FAT3: variants seen among roughly 807,000 people sequenced by gnomAD.
The protein encoded by FAT3 is FAT atypical cadherin 3.
FAT3 carries 95 observed loss-of-function variants against 310.2 expected under a neutral mutation model. That is an observed-to-expected ratio of 0.31 (90% CI 0.26 to 0.36). The LOEUF is 0.36. Among genes scored for constraint, FAT3 ranks in the 10% least tolerant of loss-of-function variants. The pLI, the probability that FAT3 is intolerant of heterozygous loss-of-function variation, is 1.00. For missense variants in FAT3, 5,408 were observed against 5,715.6 expected (o/e 0.95, Z 1.74); for synonymous variants, 2,314 against 2,192.9 (o/e 1.06, Z -1.54).
rs1455638208 is a variant in FAT3, at chr11:92,750,784, C to T, written c.3670-11072C>T. 3.9e-5 allele frequency among the ~76,000 whole-genome samples: 6 copies of T among 152,124 alleles called. No individual in the cohort carries two copies. The East Asian group carries it at 1.2e-3, about 29-fold the overall frequency. ...TCCTGGTGCAGGCATTCAGTTCAAGCCAATGGCCTCTTATACATTTTATTT... is the reference window on the plus strand; with the variant it reads ...TCCTGGTGCAGGCATTCAGTTCAAGTCAATGGCCTCTTATACATTTTATTT... On this transcript the variant is annotated intron_variant, in intron 4 of 27. Transcript: ENST00000525166.
chr11:92,790,104 C>T lies in FAT3; in HGVS notation c.4497C>T (p.Ser1499=). ...ACAAGCTGAGCTACACTGTTCATAGCAGCATCGACTCCATCAGCATGAGAA... is the reference window on the plus strand; with the variant it reads ...ACAAGCTGAGCTACACTGTTCATAGTAGCATCGACTCCATCAGCATGAGAA... ...EKHKLSYTVH[S]SIDSISMRKF... Residue 1499 remains serine, a synonymous_variant, in exon 8 of 28, where the codon AGC becomes AGT. Transcript: ENST00000525166. The T allele has an allele frequency of 6.2e-7, 1 of 1,613,820 alleles. No individual in the cohort carries two copies. Among genetic ancestry groups the T allele is most frequent in the East Asian group, 2.2e-5 (1 of 44,868 alleles).
chr11:92,607,945 C>T (rs1940381104), intron 3 of FAT3, among the ~76,000 whole-genome samples: 2 of 152,040 alleles, frequency 1.3e-5, no homozygotes, highest in African/African-American at 4.8e-5. Flanking sequence ...TCATATCTAC[C>T]TAAATTTCCT....
chr11:92,383,300 CAT>C (rs566660922), intron 2 of FAT3, among the ~76,000 whole-genome samples: 82 of 152,276 alleles, frequency 5.4e-4, no homozygotes, highest in African/African-American at 8.9e-4. Flanking sequence ...AATGAACATA[CAT>C]GTGTGTGTAT....
intron 2 of FAT3, among the ~76,000 whole-genome samples, chr11:92,415,008 A>C (rs1591256650): frequency 3.5e-4 from 1 of 2,834 alleles, no homozygotes; most frequent in South Asian, 0.018. Context: ...AGATTTCGTC[A>C]AAAAAAAAAA....
At chr11:92,636,198 A>G (rs917064218) in intron 3 of FAT3, among the ~76,000 whole-genome samples, 1 of 152,118 alleles carries the variant, frequency 6.6e-6, no homozygotes, top group African/African-American at 2.4e-5. Context: ...CCTGACCTCA[A>G]GTGATGCACC....
intron 1 of FAT3, among the ~76,000 whole-genome samples, chr11:92,279,322 C>T (rs1416419067): frequency 6.6e-6 from 1 of 152,138 alleles, no homozygotes; most frequent in Non-Finnish European, 1.5e-5. Context: ...TGGGAAGTTA[C>T]AGGGGTTCTT....
In FAT3 at chr11:92,790,101, T is replaced by A; in HGVS notation, c.4494T>A (p.His1498Gln). Residue 1498 changes from histidine (H) to glutamine (Q), a missense_variant, in exon 8 of 28, where the codon CAT becomes CAA. Physicochemically the swap from His to Gln is conservative, Grantham distance 24. Transcript: ENST00000525166. ...AGCACAAGCTGAGCTACACTGTTCATAGCAGCATCGACTCCATCAGCATGA... is the reference window on the plus strand; with the variant it reads ...AGCACAAGCTGAGCTACACTGTTCAAAGCAGCATCGACTCCATCAGCATGA... ...DEKHKLSYTV[H>Q]SSIDSISMRK... 1.2e-6 allele frequency: 2 copies of A among 1,613,846 alleles called. No individual in the cohort carries two copies. The highest frequency in any genetic ancestry group is 1.7e-6 in the Non-Finnish European group (2 of 1,179,762).
intron 2 of FAT3, among the ~76,000 whole-genome samples, chr11:92,416,824 C>T (rs1045557143): frequency 1.3e-5 from 2 of 152,186 alleles, no homozygotes; most frequent in African/African-American, 4.8e-5. Flanking sequence ...GATGGCTCCT[C>T]TAGCATCCTT....
At chr11:92,623,350 C>T (rs940803921) in intron 3 of FAT3, among the ~76,000 whole-genome samples, 21 of 152,150 alleles carry the variant, frequency 1.4e-4, no homozygotes, top group African/African-American at 5.1e-4. Flanking sequence ...TCTCTTGCCT[C>T]CTCTAATATC....
intron 2 of FAT3, among the ~76,000 whole-genome samples, chr11:92,501,305 T>G (rs1179886757): frequency 1.3e-5 from 2 of 152,108 alleles, no homozygotes; most frequent in Non-Finnish European, 2.9e-5. Context: ...AGGCACACTT[T>G]GCTTTGTGGT....
chr11:92,857,532 T>C (rs547363104), intron 20 of FAT3, among the ~76,000 whole-genome samples, 184 bp downstream of exon 20: 1 of 152,328 alleles, frequency 6.6e-6, no homozygotes, highest in South Asian at 2.1e-4. Context: ...CAGCTGCAGC[T>C]TGTGCTAAGG....
At chr11:92,576,541 G>A (rs915272879) in intron 3 of FAT3, among the ~76,000 whole-genome samples, 3 of 152,010 alleles carry the variant, frequency 2.0e-5, no homozygotes, top group Admixed American at 1.3e-4. Context: ...TTGGATAATC[G>A]ATTCAAATTC....
At chr11:92,394,492 C>T (rs1487371977) in intron 2 of FAT3, among the ~76,000 whole-genome samples, 1 of 151,990 alleles carries the variant, frequency 6.6e-6, no homozygotes, top group Non-Finnish European at 1.5e-5. Flanking sequence ...TTTCCACCAC[C>T]AGTTAGAAAT....
intron 3 of FAT3, among the ~76,000 whole-genome samples, chr11:92,671,467 A>G (rs1194193309): frequency 2.0e-5 from 3 of 152,044 alleles, no homozygotes; most frequent in African/African-American, 7.2e-5. Context: ...CATGCTGGTT[A>G]CTGCCTAGAA....
At chr11:92,515,823 GA>G (rs1953462452) in intron 2 of FAT3, among the ~76,000 whole-genome samples, 1 of 152,106 alleles carries the variant, frequency 6.6e-6, no homozygotes, top group Non-Finnish European at 1.5e-5. Flanking sequence ...TGATGTGTGT[GA>G]AAGTCATGAT....
intron 6 of FAT3, among the ~76,000 whole-genome samples, chr11:92,771,875 C>T (rs374196451): frequency 1.6e-4 from 24 of 151,922 alleles, no homozygotes; most frequent in East Asian, 7.7e-4. Flanking sequence ...TAAGCACGTG[C>T]GATGATTATG....
intron 3 of FAT3, among the ~76,000 whole-genome samples, chr11:92,530,327 C>T (rs1954023955): frequency 6.6e-6 from 1 of 151,954 alleles, no homozygotes; most frequent in South Asian, 2.1e-4. Flanking sequence ...TCCTGAGAGC[C>T]TGATTAGCAA....
intron 2 of FAT3, among the ~76,000 whole-genome samples, chr11:92,381,343 GTCTCTCC>G (rs1302393980): frequency 2.0e-5 from 3 of 152,124 alleles, no homozygotes; most frequent in African/African-American, 7.2e-5. Context: ...GTGAAACCCT[GTCTCTCC>G]TAAAATACAA....
intron 1 of FAT3, 119 bp from the exon 2 acceptor site, chr11:92,351,977 A>G (rs1948579868): frequency 5.2e-6 from 3 of 575,856 alleles, no homozygotes; most frequent in Non-Finnish European, 7.0e-6. Context: ...TTGCTGTTTT[A>G]GTAAAAAGAT....
Sources: gnomAD v4.1 joint callset for allele counts (sites outside exome capture counted in the v4.1 genomes callset) on GRCh38, gnomAD v4.1.1 for gene constraint, MANE v1.5 for transcripts, NCBI Gene and HGNC (gene_info 2026-07-23, HGNC 2026-07-21) for gene names.